ABCG2: variants seen among roughly 807,000 people sequenced by gnomAD.
The protein encoded by ABCG2 is broad substrate specificity ATP-binding cassette transporter ABCG2.
In ABCG2, 80 loss-of-function variants were observed where a neutral mutation model predicts 73.5. The ratio of observed to expected loss-of-function variants is 1.09; its 90% CI spans 0.91 to 1.31. The LOEUF (loss-of-function observed/expected upper bound fraction) is 1.31, where lower values mean the gene tolerates loss of function less well. Among genes scored for constraint, ABCG2 ranks in the 50% most tolerant of loss-of-function variants. The probability of loss-of-function intolerance (pLI) is 0.00; values close to 1 mark genes in which losing one functional copy is unlikely to be tolerated. For missense variants in ABCG2, 796 were observed against 786.2 expected (o/e 1.01, Z -0.15); for synonymous variants, 269 against 282.4 (o/e 0.95, Z 0.48).
Position 88,091,942 on chromosome 4 carries a change from G to A in ABCG2, c.*292C>T. Reference sequence around the variant, plus strand: ...TGCCAGAGACAGTAATAACTTGTCAGGAGTTTCCAGAATTCAATTCTCCTT... The same window carrying A: ...TGCCAGAGACAGTAATAACTTGTCAAGAGTTTCCAGAATTCAATTCTCCTT... On this transcript the variant is annotated 3_prime_UTR_variant, in exon 16 of 16. Coordinates refer to ENST00000237612, the MANE Select transcript of ABCG2 (RefSeq NM_004827.3). 3.9e-6 allele frequency: 1 copy of A among 258,810 alleles called. No homozygotes were observed. The highest frequency in any genetic ancestry group is 7.4e-6 in the Non-Finnish European group (1 of 135,852). The allele number at this position is 258,810 out of a possible 1,614,324, so 16.0% of individuals were successfully genotyped here.
intron 1 of ABCG2, among the ~76,000 whole-genome samples, chr4:88,196,032 C>A (rs989930723): frequency 1.4e-4 from 21 of 152,290 alleles, no homozygotes; most frequent in Admixed American, 1.2e-3. Context: ...TGGGAGACGA[C>A]CTTTCCCTGG....
chr4:88,139,065 C>T (rs935952119), intron 2 of ABCG2, among the ~76,000 whole-genome samples: 1 of 150,270 alleles, frequency 6.7e-6, no homozygotes, highest in Non-Finnish European at 1.5e-5. Flanking sequence ...CACTTGAACC[C>T]GGGAGGTGGA....
intron 1 of ABCG2, among the ~76,000 whole-genome samples, chr4:88,205,855 G>C (rs1288503750): frequency 1.3e-5 from 2 of 152,010 alleles, no homozygotes; most frequent in African/African-American, 4.8e-5. Context: ...ACTAATTTTT[G>C]TATTTTTAGT....
At chr4:88,142,778 C>T (rs1303790722) in intron 1 of ABCG2, among the ~76,000 whole-genome samples, 7 of 152,106 alleles carry the variant, frequency 4.6e-5, no homozygotes, top group Non-Finnish European at 1.5e-5. Flanking sequence ...GAAACCCCAT[C>T]TCTATCAAAA....
intron 13 of ABCG2, among the ~76,000 whole-genome samples, chr4:88,096,512 C>T (rs1394631963): frequency 6.6e-6 from 1 of 152,160 alleles, no homozygotes; most frequent in African/African-American, 2.4e-5. Flanking sequence ...AAGCCTATCA[C>T]TTCCTCATTA....
In ABCG2 at chr4:88,131,055, C is replaced by G. The variant is rs1367714391; in HGVS notation, c.531+6G>C. On this transcript the variant is annotated splice_donor_region_variant and intron_variant, in intron 5 of 15. Transcript: ENST00000237612. ...GATCATGATGCTTTCAGTTTTTCCA[C>G]ATTACCTTGGAGTCTGCCACTTTAT... is the stretch of plus-strand genomic sequence containing the variant. The G allele has an allele frequency of 6.2e-7, 1 of 1,613,560 alleles. No individual in the cohort carries two copies. Among genetic ancestry groups the G allele is most frequent in the Non-Finnish European group, 8.5e-7 (1 of 1,179,834 alleles).
intron 12 of ABCG2, 106 bp from the exon 13 acceptor site, chr4:88,097,713 T>G (rs1364357984): frequency 1.6e-6 from 2 of 1,284,274 alleles, no homozygotes; most frequent in Non-Finnish European, 2.1e-6. Context: ...AAACTAATAT[T>G]AGAATGAAAA....
intron 7 of ABCG2, among the ~76,000 whole-genome samples, chr4:88,117,494 G>C (rs568834624): frequency 6.6e-6 from 1 of 151,908 alleles, no homozygotes; most frequent in Non-Finnish European, 1.5e-5. Context: ...AAAATTAGCC[G>C]GGCATGGTTG....
At chr4:88,161,410 G>C (rs1727301460), upstream of ABCG2, among the ~76,000 whole-genome samples, 1 of 57,414 alleles carries the variant, frequency 1.7e-5, no homozygotes, top group Admixed American at 2.1e-4. Flanking sequence ...CTATGAGTGA[G>C]AATATGCGGT....
intron 5 of ABCG2, 148 bp from the exon 6 acceptor site, chr4:88,121,940 A>C: frequency 2.6e-6 from 2 of 762,892 alleles, no homozygotes; most frequent in Non-Finnish European, 4.1e-6. Flanking sequence ...CTGGTAGAAA[A>C]AGTAGGTATC....
intron 1 of ABCG2, among the ~76,000 whole-genome samples, chr4:88,228,430 G>C (rs1730316068): frequency 6.6e-6 from 1 of 152,178 alleles, no homozygotes; most frequent in Admixed American, 6.5e-5. Flanking sequence ...GGATAGCTTA[G>C]GCTGATACTC....
At chr4:88,230,230 T>G (rs536957456) in intron 1 of ABCG2, among the ~76,000 whole-genome samples, 3 of 145,990 alleles carry the variant, frequency 2.1e-5, no homozygotes, top group Non-Finnish European at 3.0e-5. Context: ...TGACCTCAGA[T>G]GATCCACTTG....
intron 1 of ABCG2, among the ~76,000 whole-genome samples, chr4:88,200,503 A>G (rs1202066820): frequency 6.6e-6 from 1 of 151,788 alleles, no homozygotes; most frequent in Non-Finnish European, 1.5e-5. Flanking sequence ...AAATTGTTAA[A>G]GATCAGAAAA....
intron 1 of ABCG2, among the ~76,000 whole-genome samples, chr4:88,214,610 G>A (rs1483368895): frequency 6.6e-6 from 1 of 152,014 alleles, no homozygotes; most frequent in Non-Finnish European, 1.5e-5. Context: ...CTGTAATCCT[G>A]GCACTTCCGT....
rs200415908 is a variant in ABCG2, at chr4:88,132,576, G to A, written c.263C>T (p.Ser88Leu). 5.8e-5 allele frequency: 93 copies of A among 1,613,958 alleles called. No individual in the cohort carries two copies. Among genetic ancestry groups the A allele is most frequent in the South Asian group, 3.5e-4 (32 of 91,086 alleles). Residue 88 changes from serine (S) to leucine (L), a missense_variant and splice_region_variant, in exon 3 of 16, where the codon TCG (serine) becomes TTG (leucine). Transcript: ENST00000237612. ...CTTACTTATACTCTCTTATACTCAC[G>A]AAGATTTGCCTCCACCTGTGGGTCC... ...ILGPTGGGKSSLLDVLAARKD... is the reference protein window; with the variant it reads ...ILGPTGGGKSLLLDVLAARKD...
intron 2 of ABCG2, among the ~76,000 whole-genome samples, chr4:88,138,999 G>A (rs1725430965): frequency 6.6e-6 from 1 of 151,982 alleles, no homozygotes; most frequent in Non-Finnish European, 1.5e-5. Flanking sequence ...AAATTAGCCA[G>A]GCATGGTGGC....
intron 1 of ABCG2, among the ~76,000 whole-genome samples, chr4:88,221,597 A>C (rs1025779663): frequency 2.0e-5 from 3 of 152,174 alleles, no homozygotes; most frequent in African/African-American, 7.2e-5. Context: ...GGTGATATGG[A>C]CAATAAAGTG....
At chr4:88,164,142 C>T (rs1727421884), upstream of ABCG2, among the ~76,000 whole-genome samples, 1 of 152,018 alleles carries the variant, frequency 6.6e-6, no homozygotes, top group African/African-American at 2.4e-5. Flanking sequence ...TCTCAGCTCA[C>T]TGCAACCTCT....
At chr4:88,208,762 G>A (rs1729472215) in intron 1 of ABCG2, among the ~76,000 whole-genome samples, 1 of 152,148 alleles carries the variant, frequency 6.6e-6, no homozygotes, top group South Asian at 2.1e-4. Context: ...CCCAGACAAA[G>A]CAAATAAATT....
Sources: gnomAD v4.1 joint callset for allele counts (sites outside exome capture counted in the v4.1 genomes callset) on GRCh38, gnomAD v4.1.1 for gene constraint, MANE v1.5 for transcripts, NCBI Gene and HGNC (gene_info 2026-07-23, HGNC 2026-07-21) for gene names.